Variants in RCAN2 observed in about 807,000 individuals in gnomAD.
The protein encoded by RCAN2 is calcipressin-2.
A neutral mutation model predicts 23.6 loss-of-function variants in RCAN2; 9 were observed. The ratio of observed to expected loss-of-function variants is 0.38; its 90% CI spans 0.23 to 0.67. The LOEUF (loss-of-function observed/expected upper bound fraction) is 0.67, where lower values mean the gene tolerates loss of function less well. Among genes scored for constraint, RCAN2 ranks in the 30% least tolerant of loss-of-function variants. The probability of loss-of-function intolerance (pLI) is 0.51; values close to 1 mark genes in which losing one functional copy is unlikely to be tolerated. For synonymous variants in RCAN2, 109 were observed against 115.7 expected, an observed-to-expected ratio of 0.94 and a Z score of 0.37; for missense variants, 273 against 302.3, an observed-to-expected ratio of 0.90 and a Z score of 0.72.
intron 2 of RCAN2, among the ~76,000 whole-genome samples, chr6:46,426,148 C>A (rs935203814): frequency 6.6e-6 from 1 of 152,070 alleles, no homozygotes; most frequent in African/African-American, 2.4e-5. Flanking sequence ...ATCCACCCCC[C>A]TCAGCTTCCC....
At chr6:46,442,897 A>G (rs1239955421) in intron 2 of RCAN2, among the ~76,000 whole-genome samples, 1 of 152,130 alleles carries the variant, frequency 6.6e-6, no homozygotes, top group African/African-American at 2.4e-5. Flanking sequence ...TCACTTTAAG[A>G]AAGGTTAAGG....
At chr6:46,334,084 G>C (rs1174655387) in intron 2 of RCAN2, among the ~76,000 whole-genome samples, 1 of 152,080 alleles carries the variant, frequency 6.6e-6, no homozygotes, top group African/African-American at 2.4e-5. Context: ...ATTGTGGCAG[G>C]GTTCATCTTT....
intron 2 of RCAN2, among the ~76,000 whole-genome samples, chr6:46,312,951 C>A (rs1763311023): frequency 6.6e-6 from 1 of 152,358 alleles, no homozygotes; most frequent in East Asian, 1.9e-4. Flanking sequence ...CTCTGCTGAA[C>A]ATGCTTCCCA....
At chr6:46,409,663 G>A (rs751477908) in intron 2 of RCAN2, among the ~76,000 whole-genome samples, 1 of 152,182 alleles carries the variant, frequency 6.6e-6, no homozygotes, top group African/African-American at 2.4e-5. Flanking sequence ...CCTGCTGAGT[G>A]CCAGGAACTA....
rs1315118230 is a variant in RCAN2, at chr6:46,246,742, G to A, written c.571+6C>T. The A allele has an allele frequency of 6.2e-7, 1 of 1,611,882 alleles. No homozygotes were observed. Among genetic ancestry groups the A allele is most frequent in the Non-Finnish European group, 8.5e-7 (1 of 1,178,878 alleles). Reference sequence around the variant, plus strand: ...GTTTATTTTTAAAATGGACCGCAAAGCTTACCTGGTCCTAGTTTGGCCACA... The same window carrying A: ...GTTTATTTTTAAAATGGACCGCAAAACTTACCTGGTCCTAGTTTGGCCACA... On this transcript the variant is annotated splice_donor_region_variant and intron_variant, in intron 4 of 4. Transcript: ENST00000371374.
intron 4 of RCAN2, among the ~76,000 whole-genome samples, chr6:46,235,656 A>G (rs993709397): frequency 3.9e-5 from 6 of 152,142 alleles, no homozygotes; most frequent in African/African-American, 1.4e-4. Flanking sequence ...TCTAGGTGCA[A>G]ATCCTTAGAG....
At chr6:46,400,183 G>C (rs76413721) in intron 2 of RCAN2, among the ~76,000 whole-genome samples, 1 of 152,184 alleles carries the variant, frequency 6.6e-6, no homozygotes, top group Non-Finnish European at 1.5e-5. Flanking sequence ...GGGTGAGGGG[G>C]CTGCCCAGCT....
In RCAN2 at chr6:46,427,598, A is replaced by G. The variant is rs571676548; in HGVS notation, c.225+29154T>C. On this transcript the variant is annotated intron_variant, in intron 2 of 4. Transcript: ENST00000371374. ...AAAATGTGTATTGAGTAAATAAATA[A>G]TGACATACCTATCAGATTAATACAC... Among the ~76,000 whole-genome samples the G allele has an allele frequency of 6.6e-5, 10 of 152,324 alleles. No homozygotes were observed. In the South Asian group the frequency reaches 1.9e-3, roughly 28 times the overall value.
intron 2 of RCAN2, among the ~76,000 whole-genome samples, chr6:46,382,949 A>G (rs1765647868): frequency 6.6e-6 from 1 of 152,210 alleles, no homozygotes; most frequent in South Asian, 2.1e-4. Flanking sequence ...TGATCTTCAA[A>G]TAGTACAAAG....
intron 4 of RCAN2, 53 bp from the exon 5 acceptor site, chr6:46,223,354 T>C: frequency 1.3e-6 from 2 of 1,537,254 alleles, no homozygotes; most frequent in Non-Finnish European, 1.8e-6. Flanking sequence ...TCAAAAGAGA[T>C]CCTGGAGCAG....
chr6:46,449,808 A>G (rs893379687), intron 2 of RCAN2, among the ~76,000 whole-genome samples: 2 of 152,022 alleles, frequency 1.3e-5, no homozygotes, highest in African/African-American at 4.8e-5. Context: ...AGCTTATGAC[A>G]TATACAAAAA....
chr6:46,325,871 C>A (rs994850076), intron 2 of RCAN2: 1 of 985,144 alleles, frequency 1.0e-6, no homozygotes, highest in Non-Finnish European at 1.2e-6. Context: ...TTGTTGCAGC[C>A]GAGTGCTTAT....
chr6:46,239,849 C>G (rs931124724), intron 4 of RCAN2, among the ~76,000 whole-genome samples: 1 of 152,062 alleles, frequency 6.6e-6, no homozygotes, highest in Non-Finnish European at 1.5e-5. Context: ...TTATCTTCAA[C>G]CCTTCCTGAG....
At chr6:46,371,057 A>G (rs1765307263) in intron 2 of RCAN2, among the ~76,000 whole-genome samples, 1 of 152,188 alleles carries the variant, frequency 6.6e-6, no homozygotes, top group Non-Finnish European at 1.5e-5. Context: ...CTGACATTGT[A>G]TAGTATGTAT....
chr6:46,255,819 A>T (rs770441918), intron 2 of RCAN2, among the ~76,000 whole-genome samples: 9 of 152,166 alleles, frequency 5.9e-5, no homozygotes, highest in Non-Finnish European at 8.8e-5. Flanking sequence ...CACAGAGATC[A>T]TCTATAAAAA....
At chr6:46,438,794 A>C (rs1178371447) in intron 2 of RCAN2, among the ~76,000 whole-genome samples, 1 of 152,160 alleles carries the variant, frequency 6.6e-6, no homozygotes, top group Non-Finnish European at 1.5e-5. Flanking sequence ...AAGCTTCATG[A>C]GGGCTTGCAT....
At position 46,284,910 on chromosome 6, in the gene RCAN2, C is replaced by T. The variant is rs183990403; in HGVS notation, c.226-36014G>A. On this transcript the variant is annotated intron_variant, in intron 2 of 4. Transcript: ENST00000371374. ...CTGTTAAGATGCCTGTTGAGACATC[C>T]GTTCTCCATAAAAACAGCACTGATT... Among the ~76,000 whole-genome samples, 6 of 152,282 alleles carry T rather than the reference C, an allele frequency of 3.9e-5. No homozygotes were observed. In the East Asian group the frequency reaches 5.8e-4, roughly 15 times the overall value.
At chr6:46,485,166 T>C (rs551270842) in intron 1 of RCAN2, among the ~76,000 whole-genome samples, 1 of 152,288 alleles carries the variant, frequency 6.6e-6, no homozygotes, top group South Asian at 2.1e-4. Context: ...ATATATGATA[T>C]CTTAAATAAT....
At chr6:46,489,546 AATG>A (rs1346625155) in intron 1 of RCAN2, among the ~76,000 whole-genome samples, 94 of 152,348 alleles carry the variant, frequency 6.2e-4, no homozygotes, top group African/African-American at 2.1e-3. Flanking sequence ...ACTGTCTGCA[AATG>A]ATTACACAAG....
Sources: gnomAD v4.1 joint callset for allele counts (sites outside exome capture counted in the v4.1 genomes callset) on GRCh38, gnomAD v4.1.1 for gene constraint, MANE v1.5 for transcripts, NCBI Gene and HGNC (gene_info 2026-07-23, HGNC 2026-07-21) for gene names.